RASAL2: variants seen among roughly 807,000 people sequenced by gnomAD.
RASAL2 encodes the protein ras GTPase-activating protein nGAP.
In RASAL2, 58 loss-of-function variants were observed where a neutral mutation model predicts 128.9. The ratio of observed to expected loss-of-function variants is 0.45; its 90% CI spans 0.36 to 0.56. RASAL2 has a LOEUF of 0.56. Among genes scored for constraint, RASAL2 ranks in the 20% least tolerant of loss-of-function variants. RASAL2 has a pLI of 0.00. For synonymous variants in RASAL2, 561 were observed against 580.8 expected (o/e 0.97, Z 0.49); for missense variants, 1,360 against 1,601.6 (o/e 0.85, Z 2.57).
intron 4 of RASAL2, among the ~76,000 whole-genome samples, chr1:178,404,087 A>G (rs1173521307): frequency 2.0e-5 from 3 of 151,660 alleles, no homozygotes; most frequent in East Asian, 3.9e-4. Context: ...TTAGCCGGGC[A>G]TGGTGGTGGG....
At chr1:178,418,790 G>A (rs907505089) in intron 4 of RASAL2, among the ~76,000 whole-genome samples, 1 of 152,272 alleles carries the variant, frequency 6.6e-6, no homozygotes, top group East Asian at 1.9e-4. Context: ...ATATGGTCAC[G>A]TGATTGTTTT....
chr1:178,360,748 T>C (rs1184023355), intron 3 of RASAL2, among the ~76,000 whole-genome samples: 1 of 152,218 alleles, frequency 6.6e-6, no homozygotes, highest in African/African-American at 2.4e-5. Context: ...ACGGGGTTGT[T>C]TCCTTCTGAG....
At chr1:178,345,111 T>C (rs1670082478) in intron 3 of RASAL2, among the ~76,000 whole-genome samples, 1 of 152,142 alleles carries the variant, frequency 6.6e-6, no homozygotes, top group African/African-American at 2.4e-5. Context: ...TTAAGCTGAA[T>C]TGGAAATACT....
chr1:178,325,518 C>T (rs539764363), intron 3 of RASAL2, among the ~76,000 whole-genome samples: 148 of 152,030 alleles, frequency 9.7e-4, no homozygotes, highest in Non-Finnish European at 1.0e-3. Context: ...AGGGATAGAG[C>T]TAATGAGATA....
intron 3 of RASAL2, among the ~76,000 whole-genome samples, chr1:178,366,559 T>G: frequency 6.6e-6 from 1 of 150,938 alleles, no homozygotes; most frequent in Non-Finnish European, 1.5e-5. Context: ...CGCTGTCACA[T>G]TTTAAAATTA....
intron 3 of RASAL2, among the ~76,000 whole-genome samples, chr1:178,361,572 A>T (rs966642183): frequency 1.3e-5 from 2 of 151,944 alleles, no homozygotes; most frequent in African/African-American, 2.4e-5. Context: ...AAATATTCTT[A>T]AAAAAATTGC....
At chr1:178,114,023 T>C (rs1234983850) in intron 1 of RASAL2, among the ~76,000 whole-genome samples, 1 of 152,184 alleles carries the variant, frequency 6.6e-6, no homozygotes, top group East Asian at 1.9e-4. Flanking sequence ...TTTTATCTTG[T>C]ACCCTGCAAC....
At chr1:178,251,404 T>G (rs897313020) in intron 1 of RASAL2, among the ~76,000 whole-genome samples, 1 of 152,232 alleles carries the variant, frequency 6.6e-6, no homozygotes, top group African/African-American at 2.4e-5. Context: ...AACACTCCCT[T>G]TTGTGATTTC....
chr1:178,194,365 A>G, intron 1 of RASAL2: 1 of 225,410 alleles, frequency 4.4e-6, no homozygotes, highest in Middle Eastern at 5.0e-4. Flanking sequence ...CCCCATATCC[A>G]GCAAACCAAC....
intron 1 of RASAL2, among the ~76,000 whole-genome samples, chr1:178,164,509 G>GCA (rs1202995311): frequency 2.0e-4 from 20 of 100,234 alleles, no homozygotes; most frequent in Admixed American, 6.2e-4. Flanking sequence ...GTGTGTGCGT[G>GCA]TGTGTGTGTG....
chr1:178,308,968 A>G (rs1235034134), intron 3 of RASAL2, among the ~76,000 whole-genome samples: 1 of 152,190 alleles, frequency 6.6e-6, no homozygotes, highest in Non-Finnish European at 1.5e-5. Flanking sequence ...GGATATGTGC[A>G]TAATGAAGAT....
At chr1:178,199,487 A>G (rs1179895448) in intron 1 of RASAL2, among the ~76,000 whole-genome samples, 1 of 152,244 alleles carries the variant, frequency 6.6e-6, no homozygotes. Context: ...ACATATATAA[A>G]AAAGTTCACA....
intron 17 of RASAL2, chr1:178,470,675 C>T (rs1451025266): frequency 8.8e-6 from 12 of 1,364,504 alleles, no homozygotes; most frequent in Admixed American, 1.9e-5. Flanking sequence ...GTGATATCTC[C>T]GCTGTGTTAA....
intron 1 of RASAL2, among the ~76,000 whole-genome samples, chr1:178,207,892 C>G (rs775437911): frequency 6.6e-6 from 1 of 152,144 alleles, no homozygotes. Context: ...ACATTTTAGT[C>G]AAATCATGTT....
intron 1 of RASAL2, among the ~76,000 whole-genome samples, chr1:178,107,888 T>C (rs1234087189): frequency 1.3e-5 from 2 of 152,242 alleles, no homozygotes; most frequent in East Asian, 3.8e-4. Context: ...TTCCACATTT[T>C]GTCTGTTTTG....
Position 178,458,011 on chromosome 1 carries a change from C to T in RASAL2, c.2719C>T (p.Leu907=). The T allele has an allele frequency of 1.2e-6, 2 of 1,614,164 alleles. No homozygotes were observed. Among genetic ancestry groups the T allele is most frequent in the Non-Finnish European group, 1.7e-6 (2 of 1,180,030 alleles). Residue 907 remains leucine (L), a synonymous_variant, in exon 14 of 18, where the codon CTG becomes TTG. Transcript: ENST00000367649. ...AAGTGCACCCCAAGTGAGAAGGCCC[C>T]TGCACCCAGCCTTGAACCAGCCAGG... The part of the protein sequence containing the change: ...PQSAPQVRRP[L]HPALNQPGGL...
intron 1 of RASAL2, among the ~76,000 whole-genome samples, chr1:178,252,126 C>T (rs904128824): frequency 6.6e-6 from 1 of 151,792 alleles, no homozygotes; most frequent in South Asian, 2.1e-4. Context: ...CTAATTTCCT[C>T]GTAATCCACT....
At chr1:178,402,602 A>G (rs933206958) in intron 4 of RASAL2, among the ~76,000 whole-genome samples, 1 of 152,174 alleles carries the variant, frequency 6.6e-6, no homozygotes, top group Admixed American at 6.5e-5. Context: ...CCTTCATTTT[A>G]TCCTTAGGAA....
chr1:178,196,623 A>C (rs528542347), intron 1 of RASAL2, among the ~76,000 whole-genome samples: 1 of 152,356 alleles, frequency 6.6e-6, no homozygotes, highest in East Asian at 1.9e-4. Flanking sequence ...AGATGATTTA[A>C]AGTATACAAG....
Sources: gnomAD v4.1 joint callset for allele counts (sites outside exome capture counted in the v4.1 genomes callset) on GRCh38, gnomAD v4.1.1 for gene constraint, MANE v1.5 for transcripts, NCBI Gene and HGNC (gene_info 2026-07-23, HGNC 2026-07-21) for gene names.